Variants in SLC18A2 observed in about 807,000 individuals in gnomAD.
SLC18A2 encodes the protein solute carrier family 18 member A2.
In SLC18A2, 33 loss-of-function variants were observed where a neutral mutation model predicts 59.2. That is an observed-to-expected ratio of 0.56 (90% confidence interval 0.42 to 0.75). The LOEUF is 0.75. Among genes scored for constraint, SLC18A2 ranks in the 30% least tolerant of loss-of-function variants. SLC18A2 has a pLI of 0.00. For synonymous variants in SLC18A2, 228 were observed against 253.5 expected, an observed-to-expected ratio of 0.90 and a Z score of 0.95; for missense variants, 569 against 668.6, an observed-to-expected ratio of 0.85 and a Z score of 1.64.
intron 3 of SLC18A2, among the ~76,000 whole-genome samples, chr10:117,246,915 A>G (rs371964181): frequency 4.6e-5 from 7 of 152,334 alleles, no homozygotes; most frequent in African/African-American, 1.7e-4. Context: ...CGGCCTCCCA[A>G]AGTGCTGGGA....
At chr10:117,248,736 A>G (rs1844134001) in intron 3 of SLC18A2, among the ~76,000 whole-genome samples, 1 of 152,244 alleles carries the variant, frequency 6.6e-6, no homozygotes. Flanking sequence ...TCCCTCAGTC[A>G]GGTAACGATA....
At position 117,278,799 on chromosome 10, in the gene SLC18A2, GT is replaced by G. The variant is rs1228244619; in HGVS notation, c.*1536del. 2 of 152,214 alleles carry G rather than the reference GT, an allele frequency of 1.3e-5. No individual in the cohort carries two copies. Among genetic ancestry groups the G allele is most frequent in the Admixed American group, 1.3e-4 (2 of 15,280 alleles). The allele number at this position is 152,214 out of a possible 1,614,324, so 9.4% of individuals were successfully genotyped here. ...CAAGTCTGGTTTCTAAGTGCAGTGT[GT>G]TTGAAGCAAACGAACTTCCAACTCA... On this transcript the variant is annotated 3_prime_UTR_variant, in exon 16 of 16. Coordinates refer to ENST00000644641, the MANE Select transcript of SLC18A2 (RefSeq NM_003054.6).
At position 117,255,290 on chromosome 10, in the gene SLC18A2, C is replaced by T. The variant is rs549412168; in HGVS notation, c.714C>T (p.Phe238=). The change falls in exon 7 of 16, where the codon TTC becomes TTT. Residue 238 remains phenylalanine (F), a synonymous_variant. Coordinates refer to ENST00000644641, the MANE Select transcript of SLC18A2 (RefSeq NM_003054.6). ...CTCTCCCTGCAGTGGGCCCCCCCTT[C>T]GGGAGTGTGCTCTATGAGTTTGTGG... ...LAMGVLVGPP[F]GSVLYEFVGK... is the part of the protein sequence containing the mutation. The T allele has an allele frequency of 4.0e-5, 65 of 1,614,184 alleles. No individual in the cohort carries two copies. Among genetic ancestry groups the T allele is most frequent in the African/African-American group, 5.3e-5 (4 of 75,044 alleles).
chr10:117,254,032 C>A lies in SLC18A2; in HGVS notation c.524-16C>A. 6.2e-7 allele frequency: 1 copy of A among 1,611,978 alleles called. No individual in the cohort carries two copies. The highest frequency in any genetic ancestry group is 8.5e-7 in the Non-Finnish European group (1 of 1,179,482). ...AGCAGCACTGATGTGCGGTCTTGGA[C>A]CCCCTCTCTCGGCAGTGTTTGCCTT... On this transcript the variant is annotated splice_polypyrimidine_tract_variant and intron_variant, in intron 4 of 15. Transcript: ENST00000644641.
At chr10:117,246,800 GC>G (rs1184731829) in intron 3 of SLC18A2, among the ~76,000 whole-genome samples, 1 of 152,046 alleles carries the variant, frequency 6.6e-6, no homozygotes, top group African/African-American at 2.4e-5. Flanking sequence ...TTACAGGCGT[GC>G]ACCACTATGC....
In SLC18A2 at chr10:117,270,413, G is replaced by GC. The variant is rs1422033344; in HGVS notation, c.1394dup (p.Leu466SerfsTer26). Reference sequence around the variant, plus strand: ...TATTGGGATAATTGATATTCTTTTTGCCCCTCTCTGCTTTTTTCTTCGAAG... The same window carrying GC: ...TATTGGGATAATTGATATTCTTTTTGCCCCCTCTCTGCTTTTTTCTTCGAAG... On this transcript the variant is annotated frameshift_variant, in exon 15 of 16. Coordinates refer to ENST00000644641, the MANE Select transcript of SLC18A2 (RefSeq NM_003054.6). LOFTEE classifies it high-confidence loss of function. The GC allele has an allele frequency of 6.2e-7, 1 of 1,613,712 alleles. No homozygotes were observed. Among genetic ancestry groups the GC allele is most frequent in the Non-Finnish European group, 8.5e-7 (1 of 1,179,958 alleles).
At chr10:117,243,942 C>A in intron 2 of SLC18A2, 29 bp from the exon 3 acceptor site, 1 of 1,577,128 alleles carries the variant, frequency 6.3e-7, no homozygotes, top group Admixed American at 1.7e-5. Context: ...AGTGTGATCA[C>A]CACCTTGCCA....
At position 117,255,298 on chromosome 10, in the gene SLC18A2, T is replaced by C. The variant is rs1414491029; in HGVS notation, c.722T>C (p.Val241Ala). The change falls in exon 7 of 16, where the codon GTG (valine) becomes GCG (alanine). Residue 241 changes from valine (V) to alanine (A), a missense_variant. Val to Ala is a moderately conservative substitution (Grantham distance 64). Transcript: ENST00000644641. ...GCAGTGGGCCCCCCCTTCGGGAGTGTGCTCTATGAGTTTGTGGGGAAGACG... is the reference window on the plus strand; with the variant it reads ...GCAGTGGGCCCCCCCTTCGGGAGTGCGCTCTATGAGTTTGTGGGGAAGACG... ...GVLVGPPFGS[V>A]LYEFVGKTAP... 2 of 1,614,158 alleles carry C rather than the reference T, an allele frequency of 1.2e-6. No individual in the cohort carries two copies. The highest frequency in any genetic ancestry group is 2.2e-5 in the South Asian group (2 of 91,084).
intron 10 of SLC18A2, among the ~76,000 whole-genome samples, chr10:117,262,351 C>G (rs760990664): frequency 4.6e-5 from 7 of 152,224 alleles, no homozygotes; most frequent in Non-Finnish European, 1.0e-4. Context: ...GCTCTGAACT[C>G]CCTAGCAGCC....
At chr10:117,273,536 C>T (rs1844450777) in intron 15 of SLC18A2, among the ~76,000 whole-genome samples, 1 of 152,186 alleles carries the variant, frequency 6.6e-6, no homozygotes, top group African/African-American at 2.4e-5. Flanking sequence ...AAAGCCCTTC[C>T]AGCAATAGCT....
chr10:117,248,218 G>A (rs921698319), intron 3 of SLC18A2, among the ~76,000 whole-genome samples: 3 of 152,118 alleles, frequency 2.0e-5, no homozygotes, highest in African/African-American at 7.2e-5. Flanking sequence ...TCCTGCCTCA[G>A]CCTCTCAAAG....
chr10:117,254,043 G>T lies in SLC18A2; in HGVS notation c.524-5G>T, dbSNP rs756369054. On this transcript the variant is annotated splice_polypyrimidine_tract_variant and splice_region_variant and intron_variant, in intron 4 of 15. Transcript: ENST00000644641. ...TGTGCGGTCTTGGACCCCCTCTCTC[G>T]GCAGTGTTTGCCTTCTCCAGCAGCT... 6.8e-6 allele frequency: 11 copies of T among 1,612,920 alleles called. No homozygotes were observed. The highest frequency in any genetic ancestry group is 1.3e-5 in the African/African-American group (1 of 74,932).
chr10:117,274,216 C>T (rs560397366), intron 15 of SLC18A2, among the ~76,000 whole-genome samples: 42 of 152,130 alleles, frequency 2.8e-4, no homozygotes, highest in African/African-American at 7.7e-4. Context: ...GGTTTGGAAG[C>T]CAGTGAGCTA....
Position 117,277,085 on chromosome 10 carries a change from C to T in SLC18A2, c.1441-77C>T, listed in dbSNP as rs1589988887. 24 of 840,804 alleles carry T rather than the reference C, an allele frequency of 2.9e-5. 1 individual carries two copies. The East Asian group carries it at 6.2e-4, about 22-fold the overall frequency. 52.1% of individuals were successfully genotyped at this position (840,804 alleles called of 1,614,324 possible). Reference sequence around the variant, plus strand: ...CTACATAGTTTTCAAACTAATAATCCTTAAAAACAGTAGGTTAAAACCATC... The same window carrying T: ...CTACATAGTTTTCAAACTAATAATCTTTAAAAACAGTAGGTTAAAACCATC... On this transcript the variant is annotated intron_variant, in intron 15 of 15. Transcript: ENST00000644641.
intron 15 of SLC18A2, among the ~76,000 whole-genome samples, chr10:117,275,354 T>C (rs760978463): frequency 1.4e-4 from 22 of 151,970 alleles, no homozygotes; most frequent in Non-Finnish European, 2.5e-4. Flanking sequence ...CTGAGTCGAG[T>C]CTTATCTGGG....
intron 15 of SLC18A2, among the ~76,000 whole-genome samples, chr10:117,271,856 CATG>C (rs1235418606): frequency 6.6e-6 from 1 of 152,134 alleles, no homozygotes; most frequent in Non-Finnish European, 1.5e-5. Context: ...ATTCTGTTGC[CATG>C]ATAACAGTTT....
At chr10:117,262,513 G>A (rs533847575) in intron 10 of SLC18A2, among the ~76,000 whole-genome samples, 40 of 152,058 alleles carry the variant, frequency 2.6e-4, no homozygotes, top group Admixed American at 6.5e-4. Flanking sequence ...GCTGACACTG[G>A]AGAGGCTGTT....
chr10:117,279,230 T>G lies in SLC18A2; in HGVS notation c.*1964T>G, dbSNP rs1844544237. 1 of 152,234 alleles carries G rather than the reference T, an allele frequency of 6.6e-6. No homozygotes were observed. The highest frequency in any genetic ancestry group is 1.5e-5 in the Non-Finnish European group (1 of 68,038). 9.4% of individuals were successfully genotyped at this position (152,234 alleles called of 1,614,324 possible). A position where few individuals can be genotyped will look rare whatever the true frequency, so the allele number is the denominator to read the frequency against. The stretch of plus-strand genomic sequence containing the variant: ...GTTAGCAAGACTGGAAAGAGGTGTT[T>G]TTTTAAAATGTACATACCAGAACAA... On this transcript the variant is annotated 3_prime_UTR_variant, in exon 16 of 16. Coordinates refer to ENST00000644641, the MANE Select transcript of SLC18A2 (RefSeq NM_003054.6).
chr10:117,276,375 G>A (rs1269856107), intron 15 of SLC18A2, among the ~76,000 whole-genome samples: 2 of 152,012 alleles, frequency 1.3e-5, no homozygotes, highest in Non-Finnish European at 2.9e-5. Flanking sequence ...ACTTTGGGAG[G>A]CTGAGGAGGG....
Sources: gnomAD v4.1 joint callset for allele counts (sites outside exome capture counted in the v4.1 genomes callset) on GRCh38, gnomAD v4.1.1 for gene constraint, MANE v1.5 for transcripts, NCBI Gene and HGNC (gene_info 2026-07-23, HGNC 2026-07-21) for gene names.